Variants in DACH1 observed in about 807,000 individuals in gnomAD.
DACH1 encodes dachshund family transcription factor 1.
A neutral mutation model predicts 54.2 loss-of-function variants in DACH1; 12 were observed. The observed-to-expected ratio is 0.22, with a 90% CI of 0.14 to 0.36. DACH1 has a LOEUF of 0.36. Among genes scored for constraint, DACH1 ranks in the 10% least tolerant of loss-of-function variants. The probability of loss-of-function intolerance (pLI) is 1.00; values close to 1 mark genes in which losing one functional copy is unlikely to be tolerated. For missense variants in DACH1, 805 were observed against 929.8 expected, an observed-to-expected ratio of 0.87 and a Z score of 1.75; for synonymous variants, 386 against 366.2, an observed-to-expected ratio of 1.05 and a Z score of -0.62.
At chr13:71,647,511 AT>A (rs1190467952) in intron 2 of DACH1, among the ~76,000 whole-genome samples, 1 of 152,202 alleles carries the variant, frequency 6.6e-6, no homozygotes, top group Non-Finnish European at 1.5e-5. Flanking sequence ...ATTATGCTAT[AT>A]GTTTCTTTTT....
Position 71,662,989 on chromosome 13 carries a change from G to C in DACH1, c.964+18806C>G, listed in dbSNP as rs571692760. 2.0e-5 allele frequency among the ~76,000 whole-genome samples: 3 copies of C among 151,918 alleles called. No individual in the cohort carries two copies. In the South Asian group the frequency reaches 6.2e-4, roughly 32 times the overall value. ...AAATATTTGTTGAATATTTATGAAAGGAACATTTCTAAAGTGCGCATTTCA... is the reference window on the plus strand; with the variant it reads ...AAATATTTGTTGAATATTTATGAAACGAACATTTCTAAAGTGCGCATTTCA... On this transcript the variant is annotated intron_variant, in intron 2 of 10. Coordinates refer to ENST00000613252, the MANE Select transcript of DACH1 (RefSeq NM_080759.6).
chr13:71,634,958 G>A (rs1462796391), intron 2 of DACH1, among the ~76,000 whole-genome samples: 6 of 152,094 alleles, frequency 3.9e-5, no homozygotes, highest in Non-Finnish European at 1.5e-5. Context: ...TCTTTTCTGG[G>A]GGCTGGGGCC....
chr13:71,741,201 T>C (rs1294355567), intron 1 of DACH1, among the ~76,000 whole-genome samples: 4 of 152,188 alleles, frequency 2.6e-5, no homozygotes, highest in Non-Finnish European at 5.9e-5. Flanking sequence ...ATATTACTCA[T>C]GGCGTATTTG....
intron 1 of DACH1, among the ~76,000 whole-genome samples, chr13:71,745,491 A>G (rs1303885232): frequency 1.3e-5 from 2 of 152,244 alleles, no homozygotes; most frequent in South Asian, 2.1e-4. Context: ...ATGGATGTCT[A>G]AATTGCAATG....
chr13:71,589,020 G>A lies in DACH1; in HGVS notation c.1127-16008C>T, dbSNP rs141873017. ...CAAAATATCACTCCCTATGAAATGC[G>A]ATAGTGTTTATCAAAAAAATAAAAT... On this transcript the variant is annotated intron_variant, in intron 3 of 10. Coordinates refer to ENST00000613252, the MANE Select transcript of DACH1 (RefSeq NM_080759.6). Among the ~76,000 whole-genome samples, 6 of 151,942 alleles carry A rather than the reference G, an allele frequency of 3.9e-5. No homozygotes were observed. In the East Asian group the frequency reaches 5.8e-4, roughly 15 times the overall value.
At chr13:71,780,004 A>AT (rs540624716) in intron 1 of DACH1, among the ~76,000 whole-genome samples, 5,804 of 149,864 alleles carry the variant, frequency 0.039, 130 homozygotes, top group African/African-American at 0.056. Context: ...CTATGAAGGA[A>AT]GGAATGAATG....
At chr13:71,464,838 GA>G in intron 10 of DACH1, 1 of 385,952 alleles carries the variant, frequency 2.6e-6, no homozygotes, top group South Asian at 1.9e-5. Flanking sequence ...TTAGTATCAA[GA>G]GAAATTTCTG....
intron 3 of DACH1, among the ~76,000 whole-genome samples, chr13:71,611,081 A>T (rs1443200862): frequency 6.6e-6 from 1 of 152,160 alleles, no homozygotes; most frequent in African/African-American, 2.4e-5. Context: ...GCAGTGTATA[A>T]GCAGTCCCTC....
intron 1 of DACH1, among the ~76,000 whole-genome samples, chr13:71,773,564 A>C (rs626277): frequency 0.51 from 77,434 of 151,726 alleles, 21,183 homozygotes; most frequent in East Asian, 0.87. Context: ...TGGCCCCAAG[A>C]CTTTTAATCT....
At chr13:71,750,441 A>G (rs1235709310) in intron 1 of DACH1, among the ~76,000 whole-genome samples, 1 of 152,250 alleles carries the variant, frequency 6.6e-6, no homozygotes, top group African/African-American at 2.4e-5. Flanking sequence ...AACAAAAAGA[A>G]TGAGAAAAGT....
At chr13:71,726,011 C>T (rs1007215327) in intron 1 of DACH1, among the ~76,000 whole-genome samples, 1 of 151,920 alleles carries the variant, frequency 6.6e-6, no homozygotes. Context: ...AGTTACGGAC[C>T]CCTTTAATCA....
rs1267571288 is a variant in DACH1 at position 71,735,361 on chromosome 13, A to G, written c.849-53451T>C. Among the ~76,000 whole-genome samples, 9 of 37,818 alleles carry G rather than the reference A, an allele frequency of 2.4e-4. 2 individuals carry two copies. Among genetic ancestry groups the G allele is most frequent in the Non-Finnish European group, 5.2e-4 (5 of 9,658 alleles). 24.8% of individuals were successfully genotyped at this position (37,818 alleles called of 152,430 possible). On this transcript the variant is annotated intron_variant, in intron 1 of 10. Coordinates refer to ENST00000613252, the MANE Select transcript of DACH1 (RefSeq NM_080759.6). ...GGATATACGTGTATATGGGATATAC[A>G]CGTATACGGGATATACGTGTATATG...
chr13:71,567,933 A>G (rs1474873801), intron 4 of DACH1, among the ~76,000 whole-genome samples: 4 of 152,076 alleles, frequency 2.6e-5, no homozygotes, highest in Non-Finnish European at 5.9e-5. Flanking sequence ...ATTTTGGGTT[A>G]CATAATGAAT....
chr13:71,793,406 C>T (rs1886912319), intron 1 of DACH1, among the ~76,000 whole-genome samples: 2 of 152,202 alleles, frequency 1.3e-5, no homozygotes, highest in South Asian at 4.1e-4. Context: ...TTCTAAGACA[C>T]CCTTTTCATT....
At chr13:71,516,962 G>A (rs1881208304) in intron 6 of DACH1, among the ~76,000 whole-genome samples, 1 of 151,256 alleles carries the variant, frequency 6.6e-6, no homozygotes, top group Admixed American at 6.6e-5. Flanking sequence ...AGACTTAAGA[G>A]CCATTATAAA....
rs1327367053 is a variant in DACH1, at chr13:71,444,140, C to T, written c.2084-3448G>A. 8.6e-5 allele frequency among the ~76,000 whole-genome samples: 13 copies of T among 151,980 alleles called. 1 individual carries two copies. The highest frequency in any genetic ancestry group is 4.4e-5 in the Non-Finnish European group (3 of 67,988). ...AAACAGAACAAAAATTTCTGTCTTT[C>T]GTATATTTACTACCACTTGGCTAAA... On this transcript the variant is annotated intron_variant, in intron 10 of 10. Transcript: ENST00000613252.
At chr13:71,541,014 AT>A (rs1883094017) in intron 6 of DACH1, among the ~76,000 whole-genome samples, 1 of 151,974 alleles carries the variant, frequency 6.6e-6, no homozygotes, top group African/African-American at 2.4e-5. Flanking sequence ...AATTTAGATT[AT>A]CATGTTACAT....
chr13:71,790,925 T>C (rs1886804410), intron 1 of DACH1, among the ~76,000 whole-genome samples: 3 of 152,188 alleles, frequency 2.0e-5, no homozygotes, highest in Admixed American at 1.3e-4. Flanking sequence ...AATTGAAGTA[T>C]AGGCTAAATG....
At chr13:71,564,293 G>A (rs1028312279) in intron 4 of DACH1, among the ~76,000 whole-genome samples, 4 of 151,892 alleles carry the variant, frequency 2.6e-5, no homozygotes, top group South Asian at 2.1e-4. Flanking sequence ...ACCCTTTAAC[G>A]TCCAATAAGG....
Sources: gnomAD v4.1 joint callset for allele counts (sites outside exome capture counted in the v4.1 genomes callset) on GRCh38, gnomAD v4.1.1 for gene constraint, MANE v1.5 for transcripts, NCBI Gene and HGNC (gene_info 2026-07-23, HGNC 2026-07-21) for gene names.